Variants in BCAT1 observed in about 807,000 individuals in gnomAD.
BCAT1 encodes branched chain amino acid transaminase 1, also known as branched-chain-amino-acid aminotransferase, cytosolic.
BCAT1 carries 48 observed loss-of-function variants against 52.4 expected under a neutral mutation model. The observed-to-expected ratio is 0.92, with a 90% CI of 0.73 to 1.16. The LOEUF is 1.16. BCAT1 is among the 50% of genes most tolerant of loss of function. The pLI, the probability that BCAT1 is intolerant of heterozygous loss-of-function variation, is 0.00. For synonymous variants in BCAT1, 167 were observed against 161.3 expected (o/e 1.04, Z -0.27); for missense variants, 451 against 457.1 (o/e 0.99, Z 0.12).
At chr12:24,942,543 C>CAA (rs60144964) in intron 1 of BCAT1, among the ~76,000 whole-genome samples, 142 of 90,872 alleles carry the variant, frequency 1.6e-3, no homozygotes, top group African/African-American at 4.9e-3. Flanking sequence ...GACTCCGCCT[C>CAA]AAAAAAAAAA....
intron 1 of BCAT1, among the ~76,000 whole-genome samples, chr12:24,907,999 G>C (rs535586227): frequency 6.6e-6 from 1 of 152,166 alleles, no homozygotes; most frequent in Admixed American, 6.5e-5. Context: ...ACATGCTGTG[G>C]AGAGTTAAAA....
chr12:24,938,347 A>T (rs1392566472), intron 1 of BCAT1, among the ~76,000 whole-genome samples: 1 of 152,202 alleles, frequency 6.6e-6, no homozygotes, highest in East Asian at 1.9e-4. Flanking sequence ...AGGAGCAGGA[A>T]ACCCTTAGGG....
At chr12:24,826,801 T>C (rs2139352700) in intron 10 of BCAT1, among the ~76,000 whole-genome samples, 1 of 152,336 alleles carries the variant, frequency 6.6e-6, no homozygotes, top group East Asian at 1.9e-4. Flanking sequence ...GTGTGTTTTC[T>C]TCAATTTTTT....
intron 7 of BCAT1, 145 bp from the exon 8 acceptor site, chr12:24,836,741 C>T (rs1940941589): frequency 3.5e-6 from 2 of 573,600 alleles, no homozygotes; most frequent in East Asian, 6.3e-5. Context: ...ATCAAATTTC[C>T]CAAATCAGTT....
At chr12:24,902,179 G>A in intron 1 of BCAT1, 1 of 1,431,608 alleles carries the variant, frequency 7.0e-7, no homozygotes. Flanking sequence ...GGGTTCGCCG[G>A]CAAAGAACAA....
At chr12:24,933,271 A>G (rs1206522467) in intron 1 of BCAT1, among the ~76,000 whole-genome samples, 1 of 151,938 alleles carries the variant, frequency 6.6e-6, no homozygotes, top group Admixed American at 6.6e-5. Flanking sequence ...GCCTGGCAAC[A>G]TGTTATTTTA....
intron 3 of BCAT1, among the ~76,000 whole-genome samples, chr12:24,884,529 G>A (rs1036476585): frequency 2.0e-5 from 3 of 152,174 alleles, no homozygotes; most frequent in African/African-American, 7.2e-5. Context: ...GTTCAGTGAT[G>A]AGTATGCTAA....
chr12:24,947,322 T>G (rs774120793), intron 1 of BCAT1, among the ~76,000 whole-genome samples: 6 of 152,212 alleles, frequency 3.9e-5, no homozygotes. Flanking sequence ...TGCTACTCAG[T>G]GTATATCCTA....
chr12:24,886,477 C>T (rs1032285430), intron 3 of BCAT1, among the ~76,000 whole-genome samples: 3 of 152,110 alleles, frequency 2.0e-5, no homozygotes, highest in Non-Finnish European at 2.9e-5. Flanking sequence ...CAAGTAAAAA[C>T]GGTGCTCGAT....
At chr12:24,935,483 T>G (rs1478865275) in intron 1 of BCAT1, among the ~76,000 whole-genome samples, 4 of 152,130 alleles carry the variant, frequency 2.6e-5, no homozygotes, top group Non-Finnish European at 4.4e-5. Flanking sequence ...ATCTCTTCCC[T>G]GCATCCCTGC....
At chr12:24,932,078 T>C (rs1943684180) in intron 1 of BCAT1, among the ~76,000 whole-genome samples, 1 of 152,078 alleles carries the variant, frequency 6.6e-6, no homozygotes, top group African/African-American at 2.4e-5. Flanking sequence ...AATAAATATA[T>C]AGTAAGGTAA....
chr12:24,868,229 T>C (rs1942080888), intron 5 of BCAT1, among the ~76,000 whole-genome samples: 1 of 152,166 alleles, frequency 6.6e-6, no homozygotes, highest in African/African-American at 2.4e-5. Context: ...TGATTCTCCA[T>C]CTCAGTGTAT....
chr12:24,849,787 C>T lies in BCAT1; in HGVS notation c.673G>A (p.Gly225Arg), dbSNP rs1941450064. 5 of 1,605,270 alleles carry T rather than the reference C, an allele frequency of 3.1e-6. No homozygotes were observed. Among genetic ancestry groups the T allele is most frequent in the Non-Finnish European group, 2.6e-6 (3 of 1,173,846 alleles). The change falls in exon 6 of 11, where the codon GGG becomes AGG. Residue 225 changes from glycine to arginine, a missense_variant and splice_region_variant. Transcript: ENST00000261192. ...AGACAGAGACACAGATTTACTTACCCTCCCATCTTGCAGTCCCCAGTTCCA... is the reference window on the plus strand; with the variant it reads ...AGACAGAGACACAGATTTACTTACCTTCCCATCTTGCAGTCCCCAGTTCCA... The part of the protein sequence containing the change: ...KGGTGDCKMG[G>R]NYGSSLFAQC...
At chr12:24,943,882 G>A (rs957262802) in intron 1 of BCAT1, among the ~76,000 whole-genome samples, 3 of 152,092 alleles carry the variant, frequency 2.0e-5, no homozygotes, top group Non-Finnish European at 4.4e-5. Context: ...TACTCAGGAA[G>A]CTGAGGCAGG....
intron 3 of BCAT1, among the ~76,000 whole-genome samples, chr12:24,883,632 C>G (rs912423033): frequency 3.3e-5 from 5 of 152,064 alleles, no homozygotes; most frequent in Admixed American, 3.3e-4. Context: ...ATTAAACTAC[C>G]ATATGCTTCA....
At chr12:24,902,988 T>C (rs1279781086) in intron 1 of BCAT1, 13 of 1,470,244 alleles carry the variant, frequency 8.8e-6, no homozygotes, top group African/African-American at 1.5e-5. Flanking sequence ...GGGCTGGCCA[T>C]GGGGAGGCTG....
At chr12:24,841,624 C>T (rs1941175937) in intron 7 of BCAT1, among the ~76,000 whole-genome samples, 1 of 152,066 alleles carries the variant, frequency 6.6e-6, no homozygotes, top group African/African-American at 2.4e-5. Context: ...GAAACTCGGC[C>T]GGGTGCAGTG....
chr12:24,917,260 G>A (rs1039025294), intron 1 of BCAT1, among the ~76,000 whole-genome samples: 1 of 138,032 alleles, frequency 7.2e-6, no homozygotes, highest in Non-Finnish European at 1.5e-5. Flanking sequence ...CTCACTGCAA[G>A]CTCCGTCTTG....
In BCAT1 at chr12:24,944,766, A is replaced by T. The variant is rs138531246; in HGVS notation, c.6+4161T>A. 2.3e-3 allele frequency among the ~76,000 whole-genome samples: 352 copies of T among 152,344 alleles called. 1 individual carries two copies. The highest frequency in any genetic ancestry group is 8.2e-3 in the African/African-American group (339 of 41,578). ...TTAATGGAACTAGCTGAGTTTTGCA[A>T]GTATTTCACAACTTTCAATAAGAAA... On this transcript the variant is annotated intron_variant, in intron 1 of 10. Coordinates refer to ENST00000261192, the MANE Select transcript of BCAT1 (RefSeq NM_005504.7).
Sources: allele counts gnomAD v4.1 joint callset (sites outside exome capture counted in the v4.1 genomes callset), GRCh38; gene constraint gnomAD v4.1.1; transcripts MANE v1.5; gene names NCBI Gene and HGNC (gene_info 2026-07-23, HGNC 2026-07-21).